The following PCBP2 variants were observed in gnomAD, a reference collection of about 807,000 sequenced individuals.
PCBP2 encodes poly(rC)-binding protein 2.
In PCBP2, 4 loss-of-function variants were observed where a neutral mutation model predicts 50.1. The ratio of observed to expected loss-of-function variants is 0.08; its 90% CI spans 0.04 to 0.18. The LOEUF (loss-of-function observed/expected upper bound fraction) is 0.18. Ranked by LOEUF, PCBP2 falls within the 10% of genes least tolerant of loss-of-function variation. The probability of loss-of-function intolerance (pLI) is 1.00; values close to 1 mark genes in which losing one functional copy is unlikely to be tolerated. For missense variants in PCBP2, 161 were observed against 474.3 expected, an observed-to-expected ratio of 0.34 and a Z score of 6.14; for synonymous variants, 179 against 168.0, an observed-to-expected ratio of 1.07 and a Z score of -0.51.
chr12:53,471,907 G>T, intron 14 of PCBP2, 100 bp downstream of exon 14: 9 of 838,952 alleles, frequency 1.1e-5, no homozygotes, highest in African/African-American at 1.8e-5. Context: ...TGGGCGATGG[G>T]TAAAGATGGC....
At chr12:53,478,271 G>A (rs1007204253) in intron 14 of PCBP2, among the ~76,000 whole-genome samples, 1 of 152,122 alleles carries the variant, frequency 6.6e-6, no homozygotes, top group Non-Finnish European at 1.5e-5. Context: ...ACTTTGGGAG[G>A]CCAAGACAAG....
At chr12:53,459,757 C>CT (rs959374134) in intron 6 of PCBP2, 1 of 316,880 alleles carries the variant, frequency 3.2e-6, no homozygotes, top group Non-Finnish European at 6.4e-6. Flanking sequence ...TAATTTTTAA[C>CT]TTTTTTTCTT....
At chr12:53,454,969 G>C in intron 2 of PCBP2, 100 bp downstream of exon 2, 1 of 992,450 alleles carries the variant, frequency 1.0e-6, no homozygotes, top group Non-Finnish European at 1.6e-6. Context: ...GCACTGTGGG[G>C]CATCTGGCTT....
chr12:53,481,081 C>A lies in PCBP2; in HGVS notation c.*1639C>A. Reference sequence around the variant, plus strand: ...CGAGCCTGACTTACGGCTGGGACAGCCCCATCTTTCTGTTGATTATGTGGC... The same window carrying A: ...CGAGCCTGACTTACGGCTGGGACAGACCCATCTTTCTGTTGATTATGTGGC... On this transcript the variant is annotated 3_prime_UTR_variant, in exon 15 of 15. Transcript: ENST00000546463. 8.8e-6 allele frequency: 4 copies of A among 454,144 alleles called. No individual in the cohort carries two copies. 28.1% of individuals were successfully genotyped at this position (454,144 alleles called of 1,614,324 possible). A position where few individuals can be genotyped will look rare whatever the true frequency, so the allele number is the denominator to read the frequency against.
chr12:53,465,296 G>C (rs1034106266), intron 9 of PCBP2, among the ~76,000 whole-genome samples: 3 of 151,936 alleles, frequency 2.0e-5, no homozygotes, highest in African/African-American at 7.3e-5. Context: ...AGGTTATGTT[G>C]TGGGGGGGAG....
chr12:53,472,612 G>A (rs906079069), intron 14 of PCBP2, among the ~76,000 whole-genome samples: 2 of 152,174 alleles, frequency 1.3e-5, no homozygotes, highest in Non-Finnish European at 2.9e-5. Context: ...AATAGGGAAT[G>A]TTGTCTAGTT....
At chr12:53,467,725 G>T in intron 11 of PCBP2, 80 bp from the exon 12 acceptor site, 1 of 1,116,996 alleles carries the variant, frequency 9.0e-7, no homozygotes, top group African/African-American at 1.6e-5. Context: ...TCGTTTTTGG[G>T]GCTTTTCTGT....
chr12:53,456,160 T>C lies in PCBP2; in HGVS notation c.243+159T>C, dbSNP rs546534853. The C allele has an allele frequency of 4.7e-6, 3 of 641,288 alleles. No homozygotes were observed. The East Asian group carries it at 8.0e-5, about 17-fold the overall frequency. 39.7% of individuals were successfully genotyped at this position (641,288 alleles called of 1,614,324 possible). ...TAGCCTCCCACAAAATTCGAGCATT[T>C]GTAGTTTAAAAAAGAGTCACTTGAG... On this transcript the variant is annotated intron_variant, in intron 5 of 14. Coordinates refer to ENST00000546463, the MANE Select transcript of PCBP2 (RefSeq NM_031989.5).
At chr12:53,465,085 C>T (rs1298548048) in intron 9 of PCBP2, 3 of 385,536 alleles carry the variant, frequency 7.8e-6, no homozygotes, top group African/African-American at 4.2e-5. Context: ...ACCCCTCTTC[C>T]CCTCTCCCAC....
chr12:53,471,739 T>C lies in PCBP2; in HGVS notation c.984T>C (p.Thr328=), dbSNP rs763737216. Residue 328 remains threonine (T), a synonymous_variant, in exon 14 of 15, where the codon ACT becomes ACC. Coordinates refer to ENST00000546463, the MANE Select transcript of PCBP2 (RefSeq NM_031989.5). ...TTGCGAACCCAGTGGAAGGATCTACTGATAGGCAGGTTACCATCACTGGAT... is the reference window on the plus strand; with the variant it reads ...TTGCGAACCCAGTGGAAGGATCTACCGATAGGCAGGTTACCATCACTGGAT... ...IKIANPVEGS[T]DRQVTITGSA... 1 of 1,613,718 alleles carries C rather than the reference T, an allele frequency of 6.2e-7. No homozygotes were observed. Among genetic ancestry groups the C allele is most frequent in the South Asian group, 1.1e-5 (1 of 91,048 alleles).
intron 13 of PCBP2, 137 bp downstream of exon 13, chr12:53,468,969 C>A: frequency 1.6e-6 from 1 of 616,586 alleles, no homozygotes; most frequent in African/African-American, 2.1e-5. Context: ...GTGGTGCGAT[C>A]TTGGCTCACC....
At chr12:53,459,894 G>A (rs765515022) in intron 6 of PCBP2, 7 of 453,688 alleles carry the variant, frequency 1.5e-5, no homozygotes, top group South Asian at 4.7e-5. Context: ...CCAAGGAGCC[G>A]GGACTGCAGG....
chr12:53,456,168 A>T, intron 5 of PCBP2, 167 bp downstream of exon 5: 1 of 630,070 alleles, frequency 1.6e-6, no homozygotes, highest in Non-Finnish European at 2.8e-6. Context: ...TTTGTAGTTT[A>T]AAAAAGAGTC....
At chr12:53,460,538 C>G (rs189341248) in intron 6 of PCBP2, 1 of 203,298 alleles carries the variant, frequency 4.9e-6, no homozygotes, top group Non-Finnish European at 1.1e-5. Context: ...GAATGAAACT[C>G]GAATGGCTGC....
intron 14 of PCBP2, among the ~76,000 whole-genome samples, chr12:53,477,238 A>C (rs1274564531): frequency 6.6e-6 from 1 of 152,148 alleles, no homozygotes; most frequent in Non-Finnish European, 1.5e-5. Context: ...TTCAGGTCCT[A>C]GATCTAATGG....
chr12:53,462,809 A>G (rs1324551109), intron 8 of PCBP2, among the ~76,000 whole-genome samples: 1 of 152,126 alleles, frequency 6.6e-6, no homozygotes, highest in Non-Finnish European at 1.5e-5. Context: ...GTTAGAATAT[A>G]AGAGTTGAAT....
At chr12:53,478,525 C>G (rs930419340) in intron 14 of PCBP2, among the ~76,000 whole-genome samples, 1 of 151,940 alleles carries the variant, frequency 6.6e-6, no homozygotes, top group African/African-American at 2.4e-5. Flanking sequence ...TAAATAAGGC[C>G]AGGCGCGGTG....
At chr12:53,461,996 G>A (rs986808120) in intron 7 of PCBP2, among the ~76,000 whole-genome samples, 4 of 152,046 alleles carry the variant, frequency 2.6e-5, no homozygotes, top group Admixed American at 2.0e-4. Context: ...AGCATGAGCC[G>A]ATGCACCCAA....
chr12:53,472,743 C>A (rs973844809), intron 14 of PCBP2, among the ~76,000 whole-genome samples: 2 of 152,106 alleles, frequency 1.3e-5, no homozygotes. Context: ...CTTGTACTGA[C>A]CATGTATATA....
Sources: gnomAD v4.1 joint callset for allele counts (sites outside exome capture counted in the v4.1 genomes callset) on GRCh38, gnomAD v4.1.1 for gene constraint, MANE v1.5 for transcripts, NCBI Gene and HGNC (gene_info 2026-07-23, HGNC 2026-07-21) for gene names.